The following PLCB1 variants were observed in gnomAD, a reference collection of about 807,000 sequenced individuals.
PLCB1 encodes the protein 1-phosphatidylinositol 4,5-bisphosphate phosphodiesterase beta-1.
PLCB1 carries 46 observed loss-of-function variants against 161.8 expected under a neutral mutation model. The observed-to-expected ratio is 0.28, with a 90% confidence interval of 0.22 to 0.36. The LOEUF is 0.36. PLCB1 is among the 10% of genes least tolerant of loss of function. The pLI is 1.00. For missense variants in PLCB1, 1,016 were observed against 1,472.5 expected (o/e 0.69, Z 5.07); for synonymous variants, 517 against 503.7 (o/e 1.03, Z -0.35).
intron 2 of PLCB1, among the ~76,000 whole-genome samples, chr20:8,158,569 A>T (rs112046158): frequency 0.043 from 6,612 of 152,226 alleles, 181 homozygotes; most frequent in South Asian, 0.12. Context: ...AGTCCCCCAA[A>T]GTCTTAACTC....
chr20:8,693,918 A>G (rs1200820812), intron 10 of PLCB1, among the ~76,000 whole-genome samples: 2 of 152,194 alleles, frequency 1.3e-5, no homozygotes, highest in Admixed American at 1.3e-4. Context: ...CCCAAGTTCA[A>G]TCATGGACTT....
intron 31 of PLCB1, among the ~76,000 whole-genome samples, chr20:8,863,370 C>T (rs1987320062): frequency 6.6e-6 from 1 of 152,316 alleles, no homozygotes; most frequent in East Asian, 1.9e-4. Flanking sequence ...CCATTAAATA[C>T]ATGAATGATC....
chr20:8,146,801 T>C (rs2051458533), intron 1 of PLCB1, among the ~76,000 whole-genome samples: 1 of 152,204 alleles, frequency 6.6e-6, no homozygotes, highest in Non-Finnish European at 1.5e-5. Context: ...TCTTAATTAC[T>C]ATATTAATCT....
intron 3 of PLCB1, among the ~76,000 whole-genome samples, chr20:8,594,426 T>A (rs899047099): frequency 1.3e-5 from 2 of 151,520 alleles, no homozygotes; most frequent in African/African-American, 4.8e-5. Flanking sequence ...CTCATGTGCT[T>A]GCAAGTCATT....
At chr20:8,534,038 T>C (rs1226869532) in intron 3 of PLCB1, among the ~76,000 whole-genome samples, 1 of 152,216 alleles carries the variant, frequency 6.6e-6, no homozygotes, top group Admixed American at 6.5e-5. Context: ...AATTAATTTT[T>C]GTATAAGGTG....
At chr20:8,871,454 G>A (rs1379878741) in intron 31 of PLCB1, among the ~76,000 whole-genome samples, 1 of 152,174 alleles carries the variant, frequency 6.6e-6, no homozygotes, top group East Asian at 1.9e-4. Context: ...CCTTCATAAA[G>A]TATTTCCCAT....
At chr20:8,529,372 G>A (rs1473242262) in intron 3 of PLCB1, among the ~76,000 whole-genome samples, 1 of 151,774 alleles carries the variant, frequency 6.6e-6, no homozygotes, top group Non-Finnish European at 1.5e-5. Flanking sequence ...CCTCAAAGTG[G>A]GTATGAACAG....
intron 31 of PLCB1, among the ~76,000 whole-genome samples, chr20:8,878,755 A>C (rs745348759): frequency 1.1e-4 from 17 of 150,880 alleles, no homozygotes; most frequent in Non-Finnish European, 1.9e-4. Context: ...TTTTTCTTTG[A>C]TATTTCAATA....
At chr20:8,276,787 C>T (rs1009088922) in intron 2 of PLCB1, among the ~76,000 whole-genome samples, 1 of 151,970 alleles carries the variant, frequency 6.6e-6, no homozygotes, top group Non-Finnish European at 1.5e-5. Context: ...TCACCAAGCC[C>T]AGTACTGTAA....
chr20:8,143,119 C>T (rs904067182), intron 1 of PLCB1, among the ~76,000 whole-genome samples: 2 of 152,130 alleles, frequency 1.3e-5, no homozygotes, highest in Admixed American at 6.5e-5. Context: ...ATCCCAACCT[C>T]AAAACCAACA....
intron 3 of PLCB1, among the ~76,000 whole-genome samples, chr20:8,517,730 A>G (rs776111664): frequency 4.6e-5 from 7 of 151,996 alleles, no homozygotes; most frequent in South Asian, 2.1e-4. Flanking sequence ...TGGATTGGCT[A>G]CTCCTGGATT....
chr20:8,644,022 C>T (rs1989052715), intron 4 of PLCB1, among the ~76,000 whole-genome samples: 1 of 152,190 alleles, frequency 6.6e-6, no homozygotes, highest in Admixed American at 6.5e-5. Flanking sequence ...GTCTCCAGCT[C>T]CTAGCCGCGA....
intron 2 of PLCB1, among the ~76,000 whole-genome samples, chr20:8,160,037 C>T (rs374832380): frequency 2.0e-5 from 3 of 150,122 alleles, no homozygotes; most frequent in Admixed American, 2.0e-4. Flanking sequence ...CCACCAGATA[C>T]CCTAAATCAT....
intron 23 of PLCB1, among the ~76,000 whole-genome samples, chr20:8,749,658 T>C (rs1981350723): frequency 6.6e-6 from 1 of 152,132 alleles, no homozygotes; most frequent in African/African-American, 2.4e-5. Context: ...TTTATATACA[T>C]ATATTAAAGT....
intron 3 of PLCB1, among the ~76,000 whole-genome samples, chr20:8,564,908 C>T (rs546247317): frequency 2.0e-5 from 3 of 152,138 alleles, no homozygotes; most frequent in African/African-American, 7.2e-5. Flanking sequence ...ATTAGTTCAA[C>T]CATTGTGGAA....
At chr20:8,712,966 T>G (rs1013268761) in intron 12 of PLCB1, among the ~76,000 whole-genome samples, 9 of 152,248 alleles carry the variant, frequency 5.9e-5, no homozygotes, top group Non-Finnish European at 1.0e-4. Flanking sequence ...TTTTAATGCC[T>G]TTTATTTCTG....
At chr20:8,368,304 G>C (rs993878661) in intron 2 of PLCB1, among the ~76,000 whole-genome samples, 2 of 151,964 alleles carry the variant, frequency 1.3e-5, no homozygotes, top group African/African-American at 4.8e-5. Context: ...GAGGCGAGTG[G>C]ATCACTTGAG....
At chr20:8,263,604 C>T (rs1300675518) in intron 2 of PLCB1, among the ~76,000 whole-genome samples, 1 of 152,092 alleles carries the variant, frequency 6.6e-6, no homozygotes, top group East Asian at 1.9e-4. Flanking sequence ...ATGGTAGAGA[C>T]TACTACATAC....
At chr20:8,142,268 A>G (rs1429272335) in intron 1 of PLCB1, among the ~76,000 whole-genome samples, 1 of 152,142 alleles carries the variant, frequency 6.6e-6, no homozygotes, top group Non-Finnish European at 1.5e-5. Flanking sequence ...TCATGCTCCT[A>G]TGAGACCTTC....
Sources: gnomAD v4.1 joint callset for allele counts (sites outside exome capture counted in the v4.1 genomes callset) on GRCh38, gnomAD v4.1.1 for gene constraint, MANE v1.5 for transcripts, NCBI Gene and HGNC (gene_info 2026-07-23, HGNC 2026-07-21) for gene names.